UBAP2: variants seen among roughly 807,000 people sequenced by gnomAD.
The protein encoded by UBAP2 is ubiquitin associated protein 2.
A neutral mutation model predicts 139.6 loss-of-function variants in UBAP2; 75 were observed. The observed-to-expected ratio is 0.54, with a 90% CI of 0.45 to 0.65. UBAP2 has a LOEUF of 0.65. UBAP2 is among the 30% of genes least tolerant of loss of function. UBAP2 has a pLI of 0.00. For missense variants in UBAP2, 1,368 were observed against 1,369.6 expected (o/e 1.00, Z 0.02); for synonymous variants, 526 against 526.2 (o/e 1.00, Z 0.01).
At chr9:33,968,427 T>C in intron 8 of UBAP2, 2 of 562,626 alleles carry the variant, frequency 3.6e-6, no homozygotes, top group Admixed American at 3.8e-5. Context: ...GCATACATAG[T>C]CATGGCCGAG....
chr9:33,923,250 GGAGTAGTCTCCT>G lies in UBAP2; in HGVS notation c.2928_2939del (p.Gly977_Ser980del). ...GCGATGATCCAGCATAGCCACCTTT[GGAGTAGTCTCCT>G]GCTGCTGTCCCCTGGGTCAGGTCGT... On this transcript the variant is annotated inframe_deletion, in exon 26 of 29. Transcript: ENST00000379238. The G allele has an allele frequency of 6.2e-7, 1 of 1,614,200 alleles. No homozygotes were observed. The highest frequency in any genetic ancestry group is 8.5e-7 in the Non-Finnish European group (1 of 1,180,030).
At chr9:33,939,187 G>GT (rs1764492721) in intron 16 of UBAP2, among the ~76,000 whole-genome samples, 1 of 88,426 alleles carries the variant, frequency 1.1e-5, no homozygotes, top group South Asian at 4.7e-4. Flanking sequence ...GATTTCCTAT[G>GT]TCTTTTTTTT....
rs927785751 is a variant in UBAP2, at chr9:34,002,891, T to C, written c.100-4027A>G. 2.0e-5 allele frequency among the ~76,000 whole-genome samples: 3 copies of C among 152,094 alleles called. No homozygotes were observed. In the East Asian group the frequency reaches 5.8e-4, roughly 29 times the overall value. On this transcript the variant is annotated intron_variant, in intron 2 of 28. Coordinates refer to ENST00000379238, the MANE Select transcript of UBAP2 (RefSeq NM_001370062.2). ...TTAGTACAAACAAGGTTCCGCCATG[T>C]TGCCCAGATTAATATTGAACCCCCC...
chr9:33,981,801 AG>A (rs1254606124), intron 6 of UBAP2, among the ~76,000 whole-genome samples: 1 of 119,942 alleles, frequency 8.3e-6, no homozygotes, highest in African/African-American at 3.3e-5. Flanking sequence ...GAAGGAAGGA[AG>A]GAAGGGTGGA....
chr9:34,038,159 A>C lies in UBAP2; in HGVS notation c.-42+10666T>G, dbSNP rs1168742664. On this transcript the variant is annotated intron_variant, in intron 1 of 28. Coordinates refer to ENST00000379238, the MANE Select transcript of UBAP2 (RefSeq NM_001370062.2). ...CCAGCCTGGGAAAAAAAAAAAAAAA[A>C]AAAAAAAAAGGTCGGGCGCGGTGGC... 2.0e-5 allele frequency among the ~76,000 whole-genome samples: 3 copies of C among 150,418 alleles called. 1 individual carries two copies. The highest frequency in any genetic ancestry group is 2.0e-4 in the Admixed American group (3 of 15,094).
At chr9:34,005,121 T>C (rs1428864829) in intron 2 of UBAP2, among the ~76,000 whole-genome samples, 2 of 151,466 alleles carry the variant, frequency 1.3e-5, no homozygotes, top group African/African-American at 2.4e-5. Context: ...AAATTAGCAG[T>C]GCGTGGTGGC....
intron 16 of UBAP2, among the ~76,000 whole-genome samples, chr9:33,937,627 G>A (rs1269304566): frequency 7.2e-6 from 1 of 138,628 alleles, no homozygotes; most frequent in Non-Finnish European, 1.6e-5. Context: ...AAAAAATTAA[G>A]CTGGGCACAA....
chr9:33,984,274 T>C (rs117980523), intron 6 of UBAP2, among the ~76,000 whole-genome samples: 78 of 152,146 alleles, frequency 5.1e-4, no homozygotes, highest in Non-Finnish European at 7.2e-4. Context: ...TCTAAGAAAT[T>C]TGCAGGATGA....
In UBAP2 at chr9:33,963,804, G is replaced by C; in HGVS notation, c.680-13C>G. 6.3e-7 allele frequency: 1 copy of C among 1,599,988 alleles called. No homozygotes were observed. The highest frequency in any genetic ancestry group is 2.2e-5 in the East Asian group (1 of 44,706). On this transcript the variant is annotated splice_polypyrimidine_tract_variant and intron_variant, in intron 8 of 28. Coordinates refer to ENST00000379238, the MANE Select transcript of UBAP2 (RefSeq NM_001370062.2). Reference sequence around the variant, plus strand: ...TTTGATGCCAGTTCTGTGGACCAATGTAAAATTGAGGGTTTAAACATATGA... The same window carrying C: ...TTTGATGCCAGTTCTGTGGACCAATCTAAAATTGAGGGTTTAAACATATGA...
chr9:33,970,860 T>C (rs1034479695), intron 8 of UBAP2, among the ~76,000 whole-genome samples: 1 of 152,234 alleles, frequency 6.6e-6, no homozygotes. Flanking sequence ...TGGAGTGCAA[T>C]GGCACGATCT....
intron 13 of UBAP2, among the ~76,000 whole-genome samples, chr9:33,945,151 A>AC (rs1825557095): frequency 1.3e-5 from 2 of 149,722 alleles, no homozygotes; most frequent in Non-Finnish European, 3.0e-5. Flanking sequence ...TAAAAAAAAA[A>AC]AAACTTATTA....
intron 19 of UBAP2, chr9:33,928,941 C>T (rs1451462882): frequency 3.9e-5 from 6 of 152,296 alleles, no homozygotes; most frequent in Non-Finnish European, 5.9e-5. Context: ...GGTCACTACC[C>T]GCCTGGGCAC....
intron 16 of UBAP2, among the ~76,000 whole-genome samples, chr9:33,939,889 GA>G (rs1564022199): frequency 9.4e-5 from 2 of 21,344 alleles, no homozygotes; most frequent in Admixed American, 3.4e-4. Flanking sequence ...GGAGGAGGAG[GA>G]GGGGAGGAGG....
intron 1 of UBAP2, among the ~76,000 whole-genome samples, chr9:34,037,415 G>A (rs1302604442): frequency 6.6e-6 from 1 of 152,196 alleles, no homozygotes; most frequent in Non-Finnish European, 1.5e-5. Flanking sequence ...GATTACAGGA[G>A]AGAGCCACTG....
chr9:33,978,190 G>C (rs1311103641), intron 6 of UBAP2, among the ~76,000 whole-genome samples: 1 of 151,580 alleles, frequency 6.6e-6, no homozygotes, highest in African/African-American at 2.4e-5. Flanking sequence ...AATGCTATGT[G>C]GAACAAGGAC....
chr9:33,988,914 GC>G, intron 5 of UBAP2, 58 bp downstream of exon 5: 1 of 1,550,192 alleles, frequency 6.5e-7, no homozygotes, highest in Non-Finnish European at 8.7e-7. Context: ...GGAGGCTGAG[GC>G]GGGAGGGTCA....
chr9:33,990,243 G>A (rs907518367), intron 4 of UBAP2, among the ~76,000 whole-genome samples: 2 of 152,102 alleles, frequency 1.3e-5, no homozygotes, highest in African/African-American at 4.8e-5. Flanking sequence ...CCAAAATTAA[G>A]AGTAACTGTT....
At position 33,943,469 on chromosome 9, in the gene UBAP2, T is replaced by C. The variant is rs1825403380; in HGVS notation, c.1666A>G (p.Ser556Gly). 1 of 1,614,128 alleles carries C rather than the reference T, an allele frequency of 6.2e-7. No individual in the cohort carries two copies. Among genetic ancestry groups the C allele is most frequent in the Non-Finnish European group, 8.5e-7 (1 of 1,180,054 alleles). The change falls in exon 15 of 29, where the codon AGT becomes GGT. Residue 556 changes from serine (S) to glycine (G), a missense_variant. Transcript: ENST00000379238. ...ATGGGAATCTGATTACTATTTTCAC[T>C]GCTTGGAGCTGATCCAAATTCAGAG... is the stretch of plus-strand genomic sequence containing the variant. The part of the protein sequence containing the change: ...SLSEFGSAPS[S>G]ENSNQIPISL...
At chr9:34,011,661 A>G in intron 2 of UBAP2, 1 of 987,598 alleles carries the variant, frequency 1.0e-6, no homozygotes, top group African/African-American at 1.7e-5. Context: ...AGAGGTCGGT[A>G]CAGCTTGGGA....
Sources: gnomAD v4.1 joint callset for allele counts (sites outside exome capture counted in the v4.1 genomes callset) on GRCh38, gnomAD v4.1.1 for gene constraint, MANE v1.5 for transcripts, NCBI Gene and HGNC (gene_info 2026-07-23, HGNC 2026-07-21) for gene names.